Variants in TBC1D5 observed in about 807,000 individuals in gnomAD.
TBC1D5 encodes the protein TBC1 domain family, member 5.
A neutral mutation model predicts 100.3 loss-of-function variants in TBC1D5; 75 were observed. The observed-to-expected ratio is 0.75, with a 90% CI of 0.62 to 0.91. The LOEUF is 0.91. Among genes scored for constraint, TBC1D5 ranks in the 40% least tolerant of loss-of-function variants. The pLI is 0.00. For synonymous variants in TBC1D5, 323 were observed against 325.6 expected (o/e 0.99, Z 0.09); for missense variants, 910 against 942.4 (o/e 0.97, Z 0.45).
chr3:17,565,001 G>GAAAACAA (rs57068698), intron 2 of TBC1D5, among the ~76,000 whole-genome samples: 76,046 of 150,892 alleles, frequency 0.5, 20,780 homozygotes, highest in African/African-American at 0.7. Context: ...TTTTCTACTA[G>GAAAACAA]AAAACAAAAA....
chr3:17,228,961 A>G (rs182429198), intron 17 of TBC1D5, among the ~76,000 whole-genome samples: 1 of 152,190 alleles, frequency 6.6e-6, no homozygotes, highest in Non-Finnish European at 1.5e-5. Context: ...AGCTCCTACC[A>G]TGTCCCATGA....
rs181234916 is a variant in TBC1D5, at chr3:17,455,919, C to G, written c.98-27400G>C. ...AAATTATACTGCAGATCTATAGTAA[C>G]CAAAACAGGATGGCACTAGCACAGA... On this transcript the variant is annotated intron_variant, in intron 3 of 21. Coordinates refer to ENST00000253692, the Ensembl canonical transcript of TBC1D5. Among the ~76,000 whole-genome samples the G allele has an allele frequency of 5.6e-4, 85 of 152,156 alleles. 1 individual carries two copies. The East Asian group carries it at 0.015, about 28-fold the overall frequency.
At chr3:17,371,368 C>T (rs1429202228) in intron 13 of TBC1D5, among the ~76,000 whole-genome samples, 2 of 152,230 alleles carry the variant, frequency 1.3e-5, no homozygotes, top group Non-Finnish European at 2.9e-5. Flanking sequence ...GTTCAATGAT[C>T]TGCTGTTACC....
At chr3:17,285,118 C>T (rs879182801) in intron 15 of TBC1D5, among the ~76,000 whole-genome samples, 1 of 151,016 alleles carries the variant, frequency 6.6e-6, no homozygotes, top group Non-Finnish European at 1.5e-5. Context: ...AACATAACAT[C>T]ATCACAAAAA....
intron 3 of TBC1D5, among the ~76,000 whole-genome samples, chr3:17,476,468 C>A (rs1056329916): frequency 6.6e-6 from 1 of 151,954 alleles, no homozygotes; most frequent in Non-Finnish European, 1.5e-5. Flanking sequence ...TTGAGTCTAT[C>A]TGTCTATCTG....
At chr3:17,592,888 T>C (rs781490609) in intron 2 of TBC1D5, among the ~76,000 whole-genome samples, 10 of 152,202 alleles carry the variant, frequency 6.6e-5, no homozygotes, top group Non-Finnish European at 1.3e-4. Context: ...ACTAGGCTTT[T>C]GTGGAAACTG....
At chr3:17,318,475 C>T (rs963674681) in intron 13 of TBC1D5, among the ~76,000 whole-genome samples, 3 of 152,094 alleles carry the variant, frequency 2.0e-5, no homozygotes, top group Admixed American at 6.5e-5. Flanking sequence ...TGCATTAGAA[C>T]CACTTGGGGG....
At chr3:17,651,767 T>C (rs745362963) in intron 1 of TBC1D5, among the ~76,000 whole-genome samples, 1 of 152,092 alleles carries the variant, frequency 6.6e-6, no homozygotes, top group African/African-American at 2.4e-5. Flanking sequence ...ACAGTATTCA[T>C]GTCAATATCA....
chr3:17,376,471 G>C, intron 10 of TBC1D5, 54 bp downstream of exon 10: 1 of 1,497,076 alleles, frequency 6.7e-7, no homozygotes, highest in Non-Finnish European at 9.1e-7. Context: ...CAAAAACAAA[G>C]GTTACCGTGG....
chr3:17,613,989 A>C (rs933310334), intron 2 of TBC1D5, among the ~76,000 whole-genome samples: 1 of 152,150 alleles, frequency 6.6e-6, no homozygotes, highest in Non-Finnish European at 1.5e-5. Flanking sequence ...GGTATTCCCT[A>C]GGTTTTTTCT....
intron 17 of TBC1D5, among the ~76,000 whole-genome samples, chr3:17,234,885 A>G (rs988872174): frequency 9.9e-5 from 15 of 152,204 alleles, no homozygotes; most frequent in African/African-American, 3.1e-4. Flanking sequence ...ATCAATTAAC[A>G]GTACACACAT....
intron 1 of TBC1D5, among the ~76,000 whole-genome samples, chr3:17,715,610 G>A (rs892401364): frequency 1.3e-5 from 2 of 152,160 alleles, no homozygotes; most frequent in East Asian, 1.9e-4. Context: ...AGTTCACAAC[G>A]AGCCTGGGCA....
intron 1 of TBC1D5, among the ~76,000 whole-genome samples, chr3:17,693,871 C>T (rs1031067788): frequency 6.6e-6 from 1 of 152,096 alleles, no homozygotes; most frequent in Non-Finnish European, 1.5e-5. Flanking sequence ...CCCTCTGGGA[C>T]GAAGCTTCCA....
intron 1 of TBC1D5, among the ~76,000 whole-genome samples, chr3:17,719,769 A>G (rs2075541766): frequency 6.6e-6 from 1 of 152,198 alleles, no homozygotes; most frequent in South Asian, 2.1e-4. Flanking sequence ...TCACTAGTTA[A>G]TAAGAAATTA....
At chr3:17,470,910 T>TA (rs1235868545) in intron 3 of TBC1D5, among the ~76,000 whole-genome samples, 2 of 151,990 alleles carry the variant, frequency 1.3e-5, no homozygotes, top group Non-Finnish European at 2.9e-5. Context: ...GACAGAGTGA[T>TA]AATCCATCTC....
At chr3:17,398,354 G>A (rs62245938) in intron 8 of TBC1D5, among the ~76,000 whole-genome samples, 3,324 of 152,238 alleles carry the variant, frequency 0.022, 48 homozygotes, top group Middle Eastern at 0.051. Context: ...ATTGGCTGAA[G>A]AGGAAGATAA....
intron 2 of TBC1D5, among the ~76,000 whole-genome samples, chr3:17,527,680 A>G (rs1018101046): frequency 6.6e-6 from 1 of 152,186 alleles, no homozygotes; most frequent in African/African-American, 2.4e-5. Flanking sequence ...ACAAAATAAG[A>G]TAAAAAGCAA....
intron 15 of TBC1D5, among the ~76,000 whole-genome samples, chr3:17,275,938 GGTTTTCCACATAGGT>G (rs1450387408): frequency 6.6e-6 from 1 of 152,084 alleles, no homozygotes; most frequent in Non-Finnish European, 1.5e-5. Context: ...ATTCTGATTG[GGTTTTCCACATAGGT>G]GTATAGTATG....
chr3:17,348,603 T>G (rs961167171), intron 13 of TBC1D5, among the ~76,000 whole-genome samples: 2 of 152,200 alleles, frequency 1.3e-5, no homozygotes, highest in African/African-American at 4.8e-5. Context: ...CTTGCCACTT[T>G]CCACTTTAGA....
Sources: gnomAD v4.1 joint callset for allele counts (sites outside exome capture counted in the v4.1 genomes callset) on GRCh38, gnomAD v4.1.1 for gene constraint, MANE v1.5 for transcripts, NCBI Gene and HGNC (gene_info 2026-07-23, HGNC 2026-07-21) for gene names.